Variants in PGBD5 observed in about 807,000 individuals in gnomAD.
PGBD5 encodes piggyBac transposable element-derived protein 5.
A neutral mutation model predicts 47.9 loss-of-function variants in PGBD5; 14 were observed. That is an observed-to-expected ratio of 0.29 (90% CI 0.19 to 0.46). The LOEUF is 0.46. PGBD5 is among the 20% of genes least tolerant of loss of function. The pLI is 1.00. For missense variants in PGBD5, 635 were observed against 716.0 expected (o/e 0.89, Z 1.29); for synonymous variants, 316 against 306.3 (o/e 1.03, Z -0.33).
intron 1 of PGBD5, among the ~76,000 whole-genome samples, chr1:230,388,097 A>ATGTGCATC (rs2102730613): frequency 6.6e-6 from 1 of 152,310 alleles, no homozygotes; most frequent in East Asian, 1.9e-4. Flanking sequence ...CAAAGCTGAA[A>ATGTGCATC]TGTGCATCCC....
chr1:230,372,431 C>T (rs1035609039), intron 1 of PGBD5, among the ~76,000 whole-genome samples: 7 of 152,172 alleles, frequency 4.6e-5, no homozygotes, highest in African/African-American at 1.7e-4. Context: ...CTGTTAGACG[C>T]AGAACACTAT....
intron 3 of PGBD5, among the ~76,000 whole-genome samples, chr1:230,340,732 C>T (rs925562599): frequency 3.3e-5 from 5 of 152,064 alleles, no homozygotes; most frequent in Non-Finnish European, 7.3e-5. Flanking sequence ...GACGATGACT[C>T]TGAGAATCAG....
chr1:230,381,682 TTTTG>T (rs1656498174), intron 1 of PGBD5, among the ~76,000 whole-genome samples: 1 of 152,216 alleles, frequency 6.6e-6, no homozygotes, highest in South Asian at 2.1e-4. Flanking sequence ...CAGGGGACCC[TTTTG>T]TGCCTAGTCC....
At chr1:230,416,073 C>T (rs1037247930) in intron 1 of PGBD5, among the ~76,000 whole-genome samples, 3 of 152,186 alleles carry the variant, frequency 2.0e-5, no homozygotes, top group African/African-American at 7.2e-5. Flanking sequence ...TAAAGGGGTG[C>T]AAGCAGCTGG....
chr1:230,324,541 C>T (rs975274559), intron 6 of PGBD5, among the ~76,000 whole-genome samples: 14 of 152,164 alleles, frequency 9.2e-5, no homozygotes, highest in African/African-American at 3.1e-4. Context: ...CCTTGTTTTT[C>T]CCTCTTTATC....
chr1:230,350,914 C>T lies in PGBD5; in HGVS notation c.894+44G>A, dbSNP rs370364676. ...CCCAAGTCGCCCGGATTTTCTTCCC[C>T]GACCCTCTTCACCGACCCTCCCCGG... On this transcript the variant is annotated intron_variant, in intron 3 of 6. Transcript: ENST00000391860. 17 of 1,600,650 alleles carry T rather than the reference C, an allele frequency of 1.1e-5. No homozygotes were observed. The Middle Eastern group carries it at 7.0e-4, about 66-fold the overall frequency.
chr1:230,334,686 T>C (rs1667275138), intron 4 of PGBD5, among the ~76,000 whole-genome samples: 1 of 152,206 alleles, frequency 6.6e-6, no homozygotes. Context: ...CCTGTGGACA[T>C]GCTGGAGGAC....
chr1:230,320,652 G>A lies in PGBD5; in HGVS notation c.*2773C>T, dbSNP rs1223844291. ...TTACGATGCTCTTTCCTCATCCCCA[G>A]GGATGGCCAGCTACTCCAAAGCCAA... On this transcript the variant is annotated 3_prime_UTR_variant, in exon 7 of 7. Coordinates refer to ENST00000391860, the MANE Select transcript of PGBD5 (RefSeq NM_001258311.2). 1 of 152,174 alleles carries A rather than the reference G, an allele frequency of 6.6e-6. No individual in the cohort carries two copies. The highest frequency in any genetic ancestry group is 2.4e-5 in the African/African-American group (1 of 41,410). 9.4% of individuals were successfully genotyped at this position (152,174 alleles called of 1,614,324 possible). A position where few individuals can be genotyped will look rare whatever the true frequency, so the allele number is the denominator to read the frequency against.
At chr1:230,337,019 C>T (rs1035118774) in intron 4 of PGBD5, 89 bp downstream of exon 4, 1 of 1,439,804 alleles carries the variant, frequency 6.9e-7, no homozygotes, top group African/African-American at 1.4e-5. Flanking sequence ...GTGGTGGCCA[C>T]CACGTATCTG....
chr1:230,420,707 A>T (rs747419597), intron 1 of PGBD5, among the ~76,000 whole-genome samples: 34 of 152,364 alleles, frequency 2.2e-4, no homozygotes, highest in Non-Finnish European at 4.1e-4. Flanking sequence ...CTCCCCAGCC[A>T]TGTGGAACTA....
chr1:230,342,977 C>G (rs1667429391), intron 3 of PGBD5, among the ~76,000 whole-genome samples: 1 of 152,220 alleles, frequency 6.6e-6, no homozygotes, highest in Admixed American at 6.5e-5. Flanking sequence ...AGATATGAAA[C>G]ATTTCCATCA....
intron 1 of PGBD5, among the ~76,000 whole-genome samples, chr1:230,379,963 T>C (rs1668066989): frequency 6.6e-6 from 1 of 152,236 alleles, no homozygotes; most frequent in Non-Finnish European, 1.5e-5. Context: ...GCACCTCATT[T>C]CTTCATTACT....
intron 1 of PGBD5, among the ~76,000 whole-genome samples, chr1:230,375,075 C>A (rs1453235051): frequency 6.6e-6 from 1 of 152,164 alleles, no homozygotes; most frequent in Non-Finnish European, 1.5e-5. Flanking sequence ...TCTTCCCTGA[C>A]CTAAGTTTCC....
At chr1:230,344,169 C>T (rs1350090122) in intron 3 of PGBD5, among the ~76,000 whole-genome samples, 2 of 151,032 alleles carry the variant, frequency 1.3e-5, no homozygotes, top group Admixed American at 1.3e-4. Context: ...CCTGTAGTCC[C>T]AGCTACTCGG....
chr1:230,409,263 T>C (rs1288566153), intron 1 of PGBD5, among the ~76,000 whole-genome samples: 1 of 152,190 alleles, frequency 6.6e-6, no homozygotes, highest in African/African-American at 2.4e-5. Flanking sequence ...GCCACTGGGA[T>C]TGTAAAATGG....
chr1:230,368,543 G>A (rs1251264265), intron 1 of PGBD5, among the ~76,000 whole-genome samples: 2 of 152,260 alleles, frequency 1.3e-5, no homozygotes, highest in African/African-American at 4.8e-5. Context: ...CTTGCGGAGT[G>A]AGTGAATGAG....
chr1:230,393,613 G>A (rs573955722), intron 1 of PGBD5, among the ~76,000 whole-genome samples: 4 of 152,072 alleles, frequency 2.6e-5, no homozygotes, highest in South Asian at 2.1e-4. Context: ...AGAGGCAGGC[G>A]GATTATGAGG....
chr1:230,363,552 AG>A (rs1667783116), intron 1 of PGBD5, among the ~76,000 whole-genome samples: 1 of 151,992 alleles, frequency 6.6e-6, no homozygotes, highest in Non-Finnish European at 1.5e-5. Context: ...ACTGCACTCC[AG>A]CCTGGGTGAC....
chr1:230,362,339 G>A lies in PGBD5; in HGVS notation c.332-5018C>T, dbSNP rs565437914. 49 of 1,367,542 alleles carry A rather than the reference G, an allele frequency of 3.6e-5. No individual in the cohort carries two copies. The South Asian group carries it at 4.9e-4, about 14-fold the overall frequency. The allele number at this position is 1,367,542 out of a possible 1,614,324, so 84.7% of individuals were successfully genotyped here. On this transcript the variant is annotated intron_variant, in intron 1 of 6. Transcript: ENST00000391860. ...ACGAGGAATGGATTATAGGGCGGCCGAGGCGTCGACTCCATCCACAGCTGT... is the reference window on the plus strand; with the variant it reads ...ACGAGGAATGGATTATAGGGCGGCCAAGGCGTCGACTCCATCCACAGCTGT...
Sources: allele counts gnomAD v4.1 joint callset (sites outside exome capture counted in the v4.1 genomes callset), GRCh38; gene constraint gnomAD v4.1.1; transcripts MANE v1.5; gene names NCBI Gene and HGNC (gene_info 2026-07-23, HGNC 2026-07-21).